Variants in PEAK1 observed in about 807,000 individuals in gnomAD.
PEAK1 encodes the protein pseudopodium enriched atypical kinase 1, also known as inactive tyrosine-protein kinase PEAK1.
A neutral mutation model predicts 124.7 loss-of-function variants in PEAK1; 54 were observed. The ratio of observed to expected loss-of-function variants is 0.43; its 90% CI spans 0.35 to 0.54. The LOEUF (loss-of-function observed/expected upper bound fraction) is 0.54. Among genes scored for constraint, PEAK1 ranks in the 20% least tolerant of loss-of-function variants. PEAK1 has a pLI of 0.01. For missense variants in PEAK1, 2,046 were observed against 2,134.5 expected (o/e 0.96, Z 0.82); for synonymous variants, 719 against 760.0 (o/e 0.95, Z 0.89).
chr15:77,387,063 C>G (rs944576950), intron 1 of PEAK1, among the ~76,000 whole-genome samples: 2 of 152,196 alleles, frequency 1.3e-5, no homozygotes, highest in Non-Finnish European at 2.9e-5. Context: ...TAATACACTT[C>G]TGAACTATTT....
intron 6 of PEAK1, among the ~76,000 whole-genome samples, chr15:77,230,428 G>A (rs760148835): frequency 1.3e-5 from 2 of 151,946 alleles, no homozygotes; most frequent in Non-Finnish European, 2.9e-5. Context: ...TCGAACTCCT[G>A]ACTCAAGTGA....
intron 9 of PEAK1, among the ~76,000 whole-genome samples, chr15:77,127,904 AC>A (rs2052523425): frequency 6.6e-6 from 1 of 151,822 alleles, no homozygotes; most frequent in African/African-American, 2.4e-5. Context: ...ACATGGTGAA[AC>A]CCTGTCTCTA....
intron 2 of PEAK1, among the ~76,000 whole-genome samples, chr15:77,357,775 A>T (rs775096213): frequency 6.6e-6 from 1 of 152,230 alleles, no homozygotes; most frequent in African/African-American, 2.4e-5. Flanking sequence ...GAATCATTTT[A>T]TACTATCTAA....
intron 2 of PEAK1, chr15:77,334,620 C>T (rs1044909784): frequency 2.0e-6 from 2 of 985,090 alleles, no homozygotes; most frequent in African/African-American, 1.7e-5. Flanking sequence ...TACGAAAAGT[C>T]CAGCAGGAAA....
At chr15:77,230,522 G>A (rs2059865644) in intron 6 of PEAK1, among the ~76,000 whole-genome samples, 1 of 151,998 alleles carries the variant, frequency 6.6e-6, no homozygotes, top group African/African-American at 2.4e-5. Flanking sequence ...AATGAGGACA[G>A]ATTACTCAGA....
At chr15:77,389,099 G>GACATGC (rs2070226567) in intron 1 of PEAK1, among the ~76,000 whole-genome samples, 1 of 151,632 alleles carries the variant, frequency 6.6e-6, no homozygotes, top group Non-Finnish European at 1.5e-5. Flanking sequence ...TAGGACTACA[G>GACATGC]ACATGCACCA....
intron 1 of PEAK1, among the ~76,000 whole-genome samples, chr15:77,390,109 A>C (rs889485893): frequency 6.6e-6 from 1 of 152,226 alleles, no homozygotes; most frequent in African/African-American, 2.4e-5. Flanking sequence ...GCTGGGATTC[A>C]AACCCAGATA....
chr15:77,365,408 C>T (rs984148977), intron 1 of PEAK1, among the ~76,000 whole-genome samples, 183 bp from the exon 2 acceptor site: 8 of 152,304 alleles, frequency 5.3e-5, no homozygotes, highest in Admixed American at 4.6e-4. Context: ...CTTTCTATTG[C>T]CTTTGATTAA....
intron 5 of PEAK1, among the ~76,000 whole-genome samples, chr15:77,275,066 T>A (rs1597055944): frequency 6.6e-6 from 1 of 152,168 alleles, no homozygotes; most frequent in Non-Finnish European, 1.5e-5. Context: ...AACTCAGGAA[T>A]GGAAAACCAA....
At position 77,133,299 on chromosome 15, in the gene PEAK1, A is replaced by G; in HGVS notation, c.3783T>C (p.Ser1261=). Reference sequence around the variant, plus strand: ...TCTGGATGCCTCGGCCCTGTCTGCAAGAGGGCCCACGCCGGCTGGAGAGGG... The same window carrying G: ...TCTGGATGCCTCGGCCCTGTCTGCAGGAGGGCCCACGCCGGCTGGAGAGGG... ...MESLSSRRGP[S]CRQGRGIQKP... is the part of the protein sequence containing the mutation. The change falls in exon 9 of 10, where the codon TCT becomes TCC. Residue 1261 remains serine (S), a synonymous_variant. Transcript: ENST00000682557. This position sits in a 1 kb window ranked among gnomAD's most constrained non-coding sequence, Gnocchi z 4.2. The G allele has an allele frequency of 6.2e-7, 1 of 1,614,244 alleles. No homozygotes were observed. The highest frequency in any genetic ancestry group is 1.3e-5 in the African/African-American group (1 of 75,070).
chr15:77,213,009 T>TG (rs2058976272), intron 6 of PEAK1, among the ~76,000 whole-genome samples: 1 of 151,936 alleles, frequency 6.6e-6, no homozygotes. Context: ...GCTTGAAATC[T>TG]GAAAAAAAAA....
intron 5 of PEAK1, among the ~76,000 whole-genome samples, chr15:77,276,427 A>G (rs2062331139): frequency 6.6e-6 from 1 of 152,206 alleles, no homozygotes; most frequent in Non-Finnish European, 1.5e-5. Context: ...GCCAGAAGGA[A>G]CTGGCACGAT....
At chr15:77,314,103 G>C (rs1337457945) in intron 2 of PEAK1, among the ~76,000 whole-genome samples, 1 of 151,952 alleles carries the variant, frequency 6.6e-6, no homozygotes, top group Non-Finnish European at 1.5e-5. Flanking sequence ...TAAAACTTTT[G>C]TTTAAAGCAT....
chr15:77,154,972 G>C (rs2054993839), intron 8 of PEAK1, among the ~76,000 whole-genome samples: 1 of 152,088 alleles, frequency 6.6e-6, no homozygotes, highest in Non-Finnish European at 1.5e-5. Context: ...TCTTGGAGTT[G>C]CTCTTCTCGA....
intron 5 of PEAK1, among the ~76,000 whole-genome samples, chr15:77,273,535 CA>C (rs1356172353): frequency 6.7e-6 from 1 of 149,912 alleles, no homozygotes; most frequent in Non-Finnish European, 1.5e-5. Flanking sequence ...AAAACAAAAA[CA>C]AAAACAAAGA....
At chr15:77,415,215 C>G (rs1285168367) in intron 1 of PEAK1, among the ~76,000 whole-genome samples, 2 of 152,180 alleles carry the variant, frequency 1.3e-5, no homozygotes, top group Admixed American at 6.5e-5. Context: ...TGCTAACTAA[C>G]AATCCTTCTT....
intron 7 of PEAK1, among the ~76,000 whole-genome samples, chr15:77,177,258 G>A (rs1300908892): frequency 6.6e-6 from 1 of 152,046 alleles, no homozygotes; most frequent in African/African-American, 2.4e-5. Flanking sequence ...ACCCGGCCCT[G>A]AAATACATGT....
intron 2 of PEAK1, chr15:77,348,442 GA>G: frequency 2.1e-6 from 2 of 937,732 alleles, no homozygotes; most frequent in Non-Finnish European, 2.5e-6. Flanking sequence ...TTTTTAAAAA[GA>G]AAAAATAATA....
chr15:77,261,724 GCAGGCCAACATT>G (rs1321307194), intron 5 of PEAK1, among the ~76,000 whole-genome samples: 2 of 152,126 alleles, frequency 1.3e-5, no homozygotes, highest in African/African-American at 4.8e-5. Context: ...ATCTAGCAAG[GCAGGCCAACATT>G]CAGATTCGGG....
Sources: gnomAD v4.1 joint callset for allele counts (sites outside exome capture counted in the v4.1 genomes callset) on GRCh38, gnomAD v4.1.1 for gene constraint, Gnocchi (gnomAD v3.1) non-coding constraint, MANE v1.5 for transcripts, NCBI Gene and HGNC (gene_info 2026-07-23, HGNC 2026-07-21) for gene names.